Variants in SSH2 observed in about 807,000 individuals in gnomAD.
SSH2 encodes the protein protein phosphatase Slingshot homolog 2.
Under a neutral mutation model 135.2 loss-of-function variants are expected in SSH2, and 37 were observed. The observed-to-expected ratio is 0.27, with a 90% CI of 0.21 to 0.36. The LOEUF (loss-of-function observed/expected upper bound fraction) is 0.36. SSH2 is among the 10% of genes least tolerant of loss of function. The pLI is 1.00. For missense variants in SSH2, 1,408 were observed against 1,765.3 expected, an observed-to-expected ratio of 0.80 and a Z score of 3.63; for synonymous variants, 628 against 646.2, an observed-to-expected ratio of 0.97 and a Z score of 0.43.
chr17:29,694,487 G>A (rs956069136), intron 5 of SSH2, among the ~76,000 whole-genome samples: 1 of 152,112 alleles, frequency 6.6e-6, no homozygotes, highest in East Asian at 1.9e-4. Flanking sequence ...TGTCCAATAC[G>A]GTGAAACCCC....
chr17:29,630,447 A>G lies in SSH2; in HGVS notation c.*394T>C, dbSNP rs1598662289. ...TCACAAAGGCAGGGGAACATCTCCA[A>G]TCCCCAGCTTTATCTCCACCCCTCC... On this transcript the variant is annotated 3_prime_UTR_variant, in exon 16 of 16. Transcript: ENST00000540801. 6.4e-6 allele frequency: 1 copy of G among 156,810 alleles called. No homozygotes were observed. Among genetic ancestry groups the G allele is most frequent in the Non-Finnish European group, 1.4e-5 (1 of 71,202 alleles). 9.7% of individuals were successfully genotyped at this position (156,810 alleles called of 1,614,324 possible).
intron 14 of SSH2, among the ~76,000 whole-genome samples, chr17:29,641,956 A>T (rs867698536): frequency 3.0e-4 from 42 of 141,476 alleles, no homozygotes; most frequent in East Asian, 4.1e-4. Flanking sequence ...TTTTTTTTTT[A>T]AAAAAAGAGG....
At chr17:29,670,304 A>G (rs1381739902) in intron 9 of SSH2, among the ~76,000 whole-genome samples, 1 of 152,176 alleles carries the variant, frequency 6.6e-6, no homozygotes, top group Non-Finnish European at 1.5e-5. Flanking sequence ...GAAACCCATC[A>G]TCCAGCTGTA....
chr17:29,672,443 A>T (rs1269217895), intron 8 of SSH2, among the ~76,000 whole-genome samples: 1 of 152,202 alleles, frequency 6.6e-6, no homozygotes, highest in Non-Finnish European at 1.5e-5. Context: ...GGGACCATGC[A>T]GTGACTGCCG....
chr17:29,671,614 A>G (rs2037497972), intron 9 of SSH2, among the ~76,000 whole-genome samples: 1 of 152,244 alleles, frequency 6.6e-6, no homozygotes, highest in South Asian at 2.1e-4. Context: ...TGATTCTTTC[A>G]GATAATGCAA....
intron 5 of SSH2, among the ~76,000 whole-genome samples, chr17:29,694,311 C>T (rs1300331405): frequency 6.6e-6 from 1 of 152,032 alleles, no homozygotes; most frequent in Non-Finnish European, 1.5e-5. Flanking sequence ...TTTTGTTTTC[C>T]TAGTTTTATT....
intron 1 of SSH2, among the ~76,000 whole-genome samples, chr17:29,863,147 A>G (rs1366174326): frequency 6.6e-6 from 1 of 152,160 alleles, no homozygotes; most frequent in East Asian, 1.9e-4. Context: ...GAGGCCTGAA[A>G]TATTTACTAA....
intron 1 of SSH2, among the ~76,000 whole-genome samples, chr17:29,898,610 A>G (rs1368152157): frequency 6.6e-6 from 1 of 152,210 alleles, no homozygotes; most frequent in African/African-American, 2.4e-5. Flanking sequence ...TAGATCAATA[A>G]CAGGCTCTGA....
chr17:29,662,872 T>C (rs1289767066), intron 11 of SSH2, among the ~76,000 whole-genome samples: 1 of 152,178 alleles, frequency 6.6e-6, no homozygotes, highest in African/African-American at 2.4e-5. Flanking sequence ...GCAGTAAAAG[T>C]TCTATTTTTC....
At chr17:29,655,893 A>G (rs2036760474) in intron 11 of SSH2, among the ~76,000 whole-genome samples, 1 of 152,218 alleles carries the variant, frequency 6.6e-6, no homozygotes, top group African/African-American at 2.4e-5. Context: ...CCATCATCCA[A>G]TCTAAATTAG....
intron 3 of SSH2, among the ~76,000 whole-genome samples, chr17:29,759,176 T>G (rs548625005): frequency 6.6e-6 from 1 of 152,180 alleles, no homozygotes; most frequent in African/African-American, 2.4e-5. Context: ...GCTGAGACTA[T>G]AGGCATGCGC....
intron 3 of SSH2, among the ~76,000 whole-genome samples, chr17:29,734,212 C>T (rs2040294041): frequency 6.6e-6 from 1 of 152,168 alleles, no homozygotes; most frequent in Admixed American, 6.5e-5. Flanking sequence ...TGAGCCACCG[C>T]ATCTGGCCTA....
intron 2 of SSH2, among the ~76,000 whole-genome samples, chr17:29,805,279 C>A (rs2042322748): frequency 6.6e-6 from 1 of 151,940 alleles, no homozygotes; most frequent in African/African-American, 2.4e-5. Context: ...CCTCAGCCTC[C>A]CGAGTATTTG....
chr17:29,705,473 C>A (rs2039160717), intron 3 of SSH2, among the ~76,000 whole-genome samples: 1 of 152,160 alleles, frequency 6.6e-6, no homozygotes, highest in Non-Finnish European at 1.5e-5. Context: ...AAAAAAACTT[C>A]TTAACAGGTC....
chr17:29,689,670 T>G (rs2038380295), intron 5 of SSH2, among the ~76,000 whole-genome samples: 1 of 152,186 alleles, frequency 6.6e-6, no homozygotes, highest in Non-Finnish European at 1.5e-5. Context: ...GAAGTAGGTC[T>G]GAGAAGTCAT....
intron 1 of SSH2, among the ~76,000 whole-genome samples, chr17:29,868,115 C>T (rs757831547): frequency 7.2e-5 from 11 of 152,046 alleles, no homozygotes; most frequent in Non-Finnish European, 1.3e-4. Context: ...AGATTCATTC[C>T]CTATTCTTTG....
intron 1 of SSH2, among the ~76,000 whole-genome samples, chr17:29,907,551 C>T (rs2066678652): frequency 6.6e-6 from 1 of 152,184 alleles, no homozygotes; most frequent in African/African-American, 2.4e-5. Flanking sequence ...TGTCTATTTT[C>T]CTTAGGCACT....
intron 1 of SSH2, among the ~76,000 whole-genome samples, chr17:29,921,879 T>C (rs1280249614): frequency 6.6e-6 from 1 of 152,090 alleles, no homozygotes; most frequent in Non-Finnish European, 1.5e-5. Flanking sequence ...GCTCTGATAA[T>C]ACAAAAATAT....
At chr17:29,782,572 G>T (rs1337449304) in intron 3 of SSH2, among the ~76,000 whole-genome samples, 3 of 152,000 alleles carry the variant, frequency 2.0e-5, no homozygotes, top group Non-Finnish European at 4.4e-5. Flanking sequence ...CTGAAAACTT[G>T]AGGATCAGAG....
Sources: gnomAD v4.1 joint callset for allele counts (sites outside exome capture counted in the v4.1 genomes callset) on GRCh38, gnomAD v4.1.1 for gene constraint, MANE v1.5 for transcripts, NCBI Gene and HGNC (gene_info 2026-07-23, HGNC 2026-07-21) for gene names.